Variants in RC3H1 observed in about 807,000 individuals in gnomAD.
The protein encoded by RC3H1 is roquin-1.
RC3H1 carries 50 observed loss-of-function variants against 138.2 expected under a neutral mutation model. The ratio of observed to expected loss-of-function variants is 0.36; its 90% confidence interval spans 0.29 to 0.46. The LOEUF (loss-of-function observed/expected upper bound fraction) is 0.46. Ranked by LOEUF, RC3H1 falls within the 20% of genes least tolerant of loss-of-function variation. RC3H1 has a pLI of 1.00. For missense variants in RC3H1, 1,031 were observed against 1,388.1 expected, an observed-to-expected ratio of 0.74 and a Z score of 4.09; for synonymous variants, 462 against 489.1, an observed-to-expected ratio of 0.94 and a Z score of 0.73.
chr1:173,977,899 G>A (rs1660653110), intron 7 of RC3H1, among the ~76,000 whole-genome samples: 1 of 152,196 alleles, frequency 6.6e-6, no homozygotes, highest in Admixed American at 6.5e-5. Context: ...AAAGCTTTTG[G>A]AATCAGAGAC....
At chr1:173,979,073 C>T (rs1435639581) in intron 6 of RC3H1, among the ~76,000 whole-genome samples, 1 of 152,160 alleles carries the variant, frequency 6.6e-6, no homozygotes, top group African/African-American at 2.4e-5. Flanking sequence ...TTCAGTTCAT[C>T]CGTTGCAAAA....
rs1659909350 is a variant in RC3H1, at chr1:173,962,052, G to A, written c.1875C>T (p.Val625=). Residue 625 remains valine (V), a synonymous_variant, in exon 12 of 20, where the codon GTC becomes GTT. Transcript: ENST00000367696. The part of the protein sequence containing the change: ...TPPPQCVSRF[V]RPPPSAPEPA... The stretch of plus-strand genomic sequence containing the variant: ...GTTCAGGAGCAGATGGTGGAGGTCG[G>A]ACAAAGCGGGACACACATTGTGGTG... 1 of 1,613,718 alleles carries A rather than the reference G, an allele frequency of 6.2e-7. No individual in the cohort carries two copies. The highest frequency in any genetic ancestry group is 8.5e-7 in the Non-Finnish European group (1 of 1,179,918).
At chr1:173,952,481 T>C (rs1050183983) in intron 13 of RC3H1, among the ~76,000 whole-genome samples, 1 of 151,632 alleles carries the variant, frequency 6.6e-6, no homozygotes, top group Non-Finnish European at 1.5e-5. Flanking sequence ...CTCATCCTTT[T>C]CTTCATTAGA....
Position 174,022,215 on chromosome 1 carries a change from G to T in RC3H1, c.-270C>A. 2.5e-6 allele frequency: 1 copy of T among 393,484 alleles called. No individual in the cohort carries two copies. Among genetic ancestry groups the T allele is most frequent in the Non-Finnish European group, 4.5e-6 (1 of 223,232 alleles). The allele number at this position is 393,484 out of a possible 1,614,324, so 24.4% of individuals were successfully genotyped here. On this transcript the variant is annotated 5_prime_UTR_variant, in exon 1 of 20. Transcript: ENST00000367696. This position sits in a 1 kb window ranked among gnomAD's most constrained non-coding sequence, Gnocchi z 4.2. Reference sequence around the variant, plus strand: ...ACTCTGATTCTGTCCCAGGCCGCCGGGCCACGGCTGCCGCCGCCACCGCCA... The same window carrying T: ...ACTCTGATTCTGTCCCAGGCCGCCGTGCCACGGCTGCCGCCGCCACCGCCA...
At chr1:173,959,383 T>C (rs934015488) in intron 13 of RC3H1, among the ~76,000 whole-genome samples, 15 of 152,174 alleles carry the variant, frequency 9.9e-5, no homozygotes, top group Non-Finnish European at 2.2e-4. Flanking sequence ...TAAAATTCAA[T>C]GTAAGACGCG....
intron 1 of RC3H1, among the ~76,000 whole-genome samples, chr1:174,018,617 C>G (rs1287857987): frequency 6.6e-6 from 1 of 152,158 alleles, no homozygotes; most frequent in Non-Finnish European, 1.5e-5. Context: ...CAGAATTACA[C>G]AAAAGAAAAA....
chr1:173,996,184 G>A (rs531249165), intron 1 of RC3H1, among the ~76,000 whole-genome samples: 65 of 152,204 alleles, frequency 4.3e-4, no homozygotes, highest in African/African-American at 1.5e-3. Context: ...AACCCGGGAG[G>A]GGGAGGTTGC....
At chr1:173,973,721 T>C (rs559863254) in intron 7 of RC3H1, among the ~76,000 whole-genome samples, 5 of 152,306 alleles carry the variant, frequency 3.3e-5, no homozygotes, top group South Asian at 2.1e-4. Flanking sequence ...GATGTAGAGA[T>C]AACTTCTTGC....
chr1:173,992,910 G>A lies in RC3H1; in HGVS notation c.76C>T (p.Arg26Ter), dbSNP rs1029130361. ...CCACAACCCAAACTGATGGGCTTTC[G>A]AATTGTTTCGTCGAAAGTCTGAGTG... ...ICTQTFDETI[R>*]KPISLGCGHT... The change falls in exon 2 of 20, where the codon CGA (arginine) becomes TGA (stop). Residue 26 changes from arginine to a stop codon, truncating the protein, a stop_gained. Transcript: ENST00000367696. LOFTEE classifies it high-confidence loss of function. 5.0e-6 allele frequency: 8 copies of A among 1,613,916 alleles called. No individual in the cohort carries two copies. The highest frequency in any genetic ancestry group is 1.3e-5 in the African/African-American group (1 of 74,868).
In RC3H1 at chr1:173,982,886, A is replaced by T; in HGVS notation, c.609T>A (p.Ala203=). 6.2e-7 allele frequency: 1 copy of T among 1,611,230 alleles called. No homozygotes were observed. Among genetic ancestry groups the T allele is most frequent in the African/African-American group, 1.3e-5 (1 of 74,882 alleles). Residue 203 remains alanine (A), a synonymous_variant, in exon 5 of 20, where the codon GCT becomes GCA. Transcript: ENST00000367696. ...CTAAGGCCAGCAGAACCAACTTTAA[A>T]GCTTCCTCCTGCATTGCTAGGGAAA... is the stretch of plus-strand genomic sequence containing the variant. The part of the protein sequence containing the change: ...QFLGPAMQEE[A]LKLVLLALED...
chr1:173,965,337 G>C (rs1660065707), intron 9 of RC3H1, among the ~76,000 whole-genome samples: 2 of 152,140 alleles, frequency 1.3e-5, no homozygotes, highest in Admixed American at 1.3e-4. Flanking sequence ...GCTCATGCCT[G>C]TAATCCCAGC....
intron 1 of RC3H1, among the ~76,000 whole-genome samples, chr1:174,000,080 A>G (rs1052259211): frequency 6.6e-6 from 1 of 152,234 alleles, no homozygotes; most frequent in Non-Finnish European, 1.5e-5. Flanking sequence ...CTGTAAATTT[A>G]CTAAAAATCA....
intron 1 of RC3H1, among the ~76,000 whole-genome samples, chr1:174,016,642 A>T (rs1488325101): frequency 1.3e-5 from 2 of 151,286 alleles, no homozygotes; most frequent in Non-Finnish European, 3.0e-5. Flanking sequence ...AAAATTTTAA[A>T]TTTTTTTTGT....
chr1:173,992,024 C>T (rs1163880440), intron 2 of RC3H1, among the ~76,000 whole-genome samples: 1 of 152,124 alleles, frequency 6.6e-6, no homozygotes, highest in Non-Finnish European at 1.5e-5. Context: ...TCTTTCATTT[C>T]AGTTAATGTC....
intron 13 of RC3H1, among the ~76,000 whole-genome samples, chr1:173,958,177 TA>T (rs577577983): frequency 0.025 from 3,655 of 147,352 alleles, 168 homozygotes; most frequent in African/African-American, 0.084. Flanking sequence ...ACTTGATTAT[TA>T]AAAAAAAAAA....
At chr1:173,945,418 G>A (rs931572750) in intron 17 of RC3H1, among the ~76,000 whole-genome samples, 21 of 151,900 alleles carry the variant, frequency 1.4e-4, no homozygotes, top group African/African-American at 7.3e-5. Flanking sequence ...GAACCACCAC[G>A]TCCAGCCAGA....
rs956009222 is a variant in RC3H1 at position 173,938,764 on chromosome 1, T to C, written c.3359A>G (p.Asn1120Ser). The change falls in exon 20 of 20, where the codon AAT becomes AGT. Residue 1120 changes from asparagine to serine, a missense_variant. Physicochemically the swap from Asn to Ser is conservative, Grantham distance 46. This residue lies in a region of RC3H1 where 716 missense variants were observed against 837.9 expected (regional missense o/e 0.85). Coordinates refer to ENST00000367696, the MANE Select transcript of RC3H1 (RefSeq NM_172071.4). ...SEDPEGGGDN[N>S]DSQRSGVTPS... ...AGTAACTCCTGATCTCTGGGAGTCA[T>C]TATTATCCCCTCCTCCCTCAGGGTC... 9 of 1,613,104 alleles carry C rather than the reference T, an allele frequency of 5.6e-6. No homozygotes were observed. The African/African-American group carries it at 1.2e-4, about 22-fold the overall frequency.
In RC3H1 at chr1:173,990,575, T is replaced by TTA. The variant is rs1359514726; in HGVS notation, c.231+2179_231+2180insTA. Among the ~76,000 whole-genome samples, 9 of 134,344 alleles carry TTA rather than the reference T, an allele frequency of 6.7e-5. No homozygotes were observed. In the East Asian group the frequency reaches 1.8e-3, roughly 27 times the overall value. 88.1% of individuals were successfully genotyped at this position (134,344 alleles called of 152,430 possible). ...TGTAAGAAAAGTATTATTATTATTATTTATTTTTTTTTTTTGAGACAGAGT... is the reference window on the plus strand; with the variant it reads ...TGTAAGAAAAGTATTATTATTATTATTATTATTTTTTTTTTTTGAGACAGAGT... On this transcript the variant is annotated intron_variant, in intron 2 of 19. Transcript: ENST00000367696.
At chr1:173,960,427 T>G (rs1008370506) in intron 13 of RC3H1, among the ~76,000 whole-genome samples, 12 of 152,232 alleles carry the variant, frequency 7.9e-5, no homozygotes, top group African/African-American at 2.7e-4. Context: ...TTTAATCCAA[T>G]GTATCAAAAA....
Sources: gnomAD v4.1 joint callset for allele counts (sites outside exome capture counted in the v4.1 genomes callset) on GRCh38, gnomAD v4.1.1 for gene constraint, gnomAD v4.1.1 regional missense constraint, Gnocchi (gnomAD v3.1) non-coding constraint, MANE v1.5 for transcripts, NCBI Gene and HGNC (gene_info 2026-07-23, HGNC 2026-07-21) for gene names.